NSUN3: variants seen among roughly 807,000 people sequenced by gnomAD.
NSUN3 encodes tRNA (cytosine(34)-C(5))-methyltransferase, mitochondrial.
In NSUN3, 24 loss-of-function variants were observed where a neutral mutation model predicts 36.8. That is an observed-to-expected ratio of 0.65 (90% CI 0.47 to 0.92). The LOEUF is 0.92. Among genes scored for constraint, NSUN3 ranks in the 40% least tolerant of loss-of-function variants. The pLI, the probability that NSUN3 is intolerant of heterozygous loss-of-function variation, is 0.00. For missense variants in NSUN3, 381 were observed against 392.8 expected (o/e 0.97, Z 0.25); for synonymous variants, 146 against 145.2 (o/e 1.01, Z -0.04).
chr3:94,102,202 T>TAAAAAAAAAA (rs5850923), intron 5 of NSUN3, among the ~76,000 whole-genome samples: 5 of 101,568 alleles, frequency 4.9e-5, no homozygotes, highest in African/African-American at 1.2e-4. Flanking sequence ...AAAGAAACGT[T>TAAAAAAAAAA]AAAAAAAAAA....
chr3:94,131,125 C>T lies in NSUN3; in HGVS notation c.*4635C>T, dbSNP rs1372722535. ...TTATTATTGTAGAGATGTGACCTCA[C>T]CAGGCTGGTTTCAAACCCCTGGCCT... On this transcript the variant is annotated 3_prime_UTR_variant, in exon 6 of 6. Coordinates refer to ENST00000314622, the MANE Select transcript of NSUN3 (RefSeq NM_022072.5). Among the ~76,000 whole-genome samples, 1 of 151,882 alleles carries T rather than the reference C, an allele frequency of 6.6e-6. No individual in the cohort carries two copies. The highest frequency in any genetic ancestry group is 1.5e-5 in the Non-Finnish European group (1 of 68,000).
chr3:94,094,692 G>A (rs916493868), intron 4 of NSUN3, among the ~76,000 whole-genome samples: 1 of 152,164 alleles, frequency 6.6e-6, no homozygotes, highest in African/African-American at 2.4e-5. Flanking sequence ...TGAGAATTCA[G>A]AAATATTATT....
chr3:94,129,659 T>A lies in NSUN3; in HGVS notation c.*3169T>A, dbSNP rs2077501677. On this transcript the variant is annotated 3_prime_UTR_variant, in exon 6 of 6. Transcript: ENST00000314622. ...TGAATCTAAAAAGCTGAAATTATTT[T>A]TTAATGAGAAGATAAACCATAATTA... Among the ~76,000 whole-genome samples the A allele has an allele frequency of 6.6e-6, 1 of 152,192 alleles. No individual in the cohort carries two copies. Among genetic ancestry groups the A allele is most frequent in the East Asian group, 1.9e-4 (1 of 5,200 alleles).
At chr3:94,091,470 G>C (rs765868470) in intron 3 of NSUN3, among the ~76,000 whole-genome samples, 5 of 152,182 alleles carry the variant, frequency 3.3e-5, no homozygotes, top group Non-Finnish European at 7.3e-5. Flanking sequence ...GGGATATTAT[G>C]TGGGGAGTGC....
chr3:94,118,385 C>G (rs1401851681), intron 5 of NSUN3, among the ~76,000 whole-genome samples: 2 of 152,110 alleles, frequency 1.3e-5, no homozygotes, highest in African/African-American at 2.4e-5. Context: ...ACTTTTGCTT[C>G]TACTGTTGTT....
chr3:94,088,883 G>T (rs1576088232), intron 3 of NSUN3, among the ~76,000 whole-genome samples: 1 of 152,076 alleles, frequency 6.6e-6, no homozygotes, highest in South Asian at 2.1e-4. Context: ...TGGCCAGGCT[G>T]GTCTCGAGCT....
intron 5 of NSUN3, among the ~76,000 whole-genome samples, chr3:94,112,856 A>G (rs976570288): frequency 6.6e-5 from 10 of 152,142 alleles, no homozygotes; most frequent in Non-Finnish European, 1.5e-4. Context: ...GAAGATGTGA[A>G]GAGAATAACA....
chr3:94,077,478 T>A (rs898764159), intron 2 of NSUN3, among the ~76,000 whole-genome samples: 4 of 152,200 alleles, frequency 2.6e-5, no homozygotes, highest in Non-Finnish European at 5.9e-5. Flanking sequence ...GGATTCCCTC[T>A]TTTTCTATTG....
At chr3:94,105,512 A>C (rs1396096732) in intron 5 of NSUN3, among the ~76,000 whole-genome samples, 4 of 152,112 alleles carry the variant, frequency 2.6e-5, no homozygotes, top group Non-Finnish European at 5.9e-5. Flanking sequence ...TTAGGAAAAG[A>C]TGGTCATTTT....
At chr3:94,117,850 C>T (rs2077446680) in intron 5 of NSUN3, among the ~76,000 whole-genome samples, 1 of 152,048 alleles carries the variant, frequency 6.6e-6, no homozygotes, top group Admixed American at 6.6e-5. Context: ...GGGTTTAAAC[C>T]TGATCAGCAC....
intron 5 of NSUN3, among the ~76,000 whole-genome samples, chr3:94,108,250 C>G (rs190247911): frequency 6.6e-6 from 1 of 152,194 alleles, no homozygotes; most frequent in East Asian, 1.9e-4. Context: ...GTGCAGAACT[C>G]TATTCAGAAT....
intron 5 of NSUN3, among the ~76,000 whole-genome samples, chr3:94,119,534 A>G (rs2107272618): frequency 6.6e-6 from 1 of 152,188 alleles, no homozygotes. Flanking sequence ...ATGCCTGCTC[A>G]CCCACCACTC....
intron 2 of NSUN3, among the ~76,000 whole-genome samples, chr3:94,072,595 A>G (rs529528846): frequency 5.3e-5 from 8 of 152,178 alleles, no homozygotes; most frequent in Non-Finnish European, 1.0e-4. Flanking sequence ...AAGGTTATTC[A>G]GGGAGGTTGG....
chr3:94,105,684 A>G (rs1055349055), intron 5 of NSUN3, among the ~76,000 whole-genome samples: 4 of 152,060 alleles, frequency 2.6e-5, no homozygotes, highest in Non-Finnish European at 4.4e-5. Context: ...GAGGCAGGGT[A>G]TCTTTTTTCC....
chr3:94,105,292 C>G (rs911869126), intron 5 of NSUN3, among the ~76,000 whole-genome samples: 8 of 152,160 alleles, frequency 5.3e-5, no homozygotes, highest in Non-Finnish European at 8.8e-5. Context: ...TGAAAAACCA[C>G]GATCCAGCCT....
intron 5 of NSUN3, among the ~76,000 whole-genome samples, chr3:94,105,293 G>GATCCAGCC (rs1560038439): frequency 6.6e-6 from 1 of 152,104 alleles, no homozygotes; most frequent in African/African-American, 2.4e-5. Flanking sequence ...GAAAAACCAC[G>GATCCAGCC]ATCCAGCCTA....
chr3:94,099,425 A>T (rs2077355991), intron 5 of NSUN3, among the ~76,000 whole-genome samples: 1 of 152,064 alleles, frequency 6.6e-6, no homozygotes, highest in Non-Finnish European at 1.5e-5. Context: ...GTAGCACATC[A>T]CTTCAGTAGC....
chr3:94,095,786 G>A (rs773837268), intron 5 of NSUN3, among the ~76,000 whole-genome samples: 5 of 151,742 alleles, frequency 3.3e-5, no homozygotes, highest in Non-Finnish European at 7.4e-5. Flanking sequence ...TCACTCTGTC[G>A]CCCAGGCTGG....
intron 2 of NSUN3, among the ~76,000 whole-genome samples, chr3:94,071,519 A>T (rs2077224718): frequency 6.6e-6 from 1 of 152,376 alleles, no homozygotes; most frequent in Non-Finnish European, 1.5e-5. Context: ...CACATACTAA[A>T]GGCAGTATAA....
Sources: allele counts gnomAD v4.1 joint callset (sites outside exome capture counted in the v4.1 genomes callset), GRCh38; gene constraint gnomAD v4.1.1; transcripts MANE v1.5; gene names NCBI Gene and HGNC (gene_info 2026-07-23, HGNC 2026-07-21).